ELAC2: variants seen among roughly 807,000 people sequenced by gnomAD.
The protein encoded by ELAC2 is elaC ribonuclease Z 2.
Under a neutral mutation model 105.2 loss-of-function variants are expected in ELAC2, and 92 were observed. The ratio of observed to expected loss-of-function variants is 0.87; its 90% confidence interval spans 0.74 to 1.04. The LOEUF (loss-of-function observed/expected upper bound fraction) is 1.04. Among genes scored for constraint, ELAC2 ranks in the 50% least tolerant of loss-of-function variants. ELAC2 has a pLI of 0.00. For synonymous variants in ELAC2, 468 were observed against 409.1 expected, an observed-to-expected ratio of 1.14 and a Z score of -1.74; for missense variants, 1,099 against 1,071.7, an observed-to-expected ratio of 1.03 and a Z score of -0.36.
chr17:13,013,221 T>C lies in ELAC2; in HGVS notation c.545A>G (p.Gln182Arg). Residue 182 changes from glutamine (Q) to arginine (R), a missense_variant, in exon 6 of 24, where the codon CAG (glutamine) becomes CGG (arginine). Gln to Arg is a conservative substitution (Grantham distance 43, BLOSUM62 1). Transcript: ENST00000338034. Reference sequence around the variant, plus strand: ...TTCATACTCACTGTGTATGGGGATCTGGTAAACTGTCATGGTTTCATCCTC... The same window carrying C: ...TTCATACTCACTGTGTATGGGGATCCGGTAAACTGTCATGGTTTCATCCTC... ...EYEDETMTVY[Q>R]IPIHSEQRRG... 1 of 1,614,226 alleles carries C rather than the reference T, an allele frequency of 6.2e-7. No homozygotes were observed. The highest frequency in any genetic ancestry group is 8.5e-7 in the Non-Finnish European group (1 of 1,180,040).
At chr17:13,017,449 G>A (rs1036682719) in intron 1 of ELAC2, 1 of 722,464 alleles carries the variant, frequency 1.4e-6, no homozygotes, top group East Asian at 2.7e-5. Context: ...CTCCGAAAGT[G>A]CTGACAGCCA....
At chr17:13,011,110 A>T (rs2041385957) in intron 7 of ELAC2, among the ~76,000 whole-genome samples, 1 of 152,324 alleles carries the variant, frequency 6.6e-6, no homozygotes, top group East Asian at 1.9e-4. Context: ...GTTCTCAGTC[A>T]CTAGACAAGA....
At chr17:12,996,500 C>T (rs1200718687) in intron 17 of ELAC2, 47 bp downstream of exon 17, 2 of 1,612,484 alleles carry the variant, frequency 1.2e-6, no homozygotes, top group Admixed American at 3.3e-5. Flanking sequence ...CTCAACGTGG[C>T]AGTGCCTCCT....
chr17:12,997,176 G>A (rs950983841), intron 16 of ELAC2, among the ~76,000 whole-genome samples: 49 of 152,166 alleles, frequency 3.2e-4, no homozygotes, highest in African/African-American at 1.1e-3. Context: ...GGCTGCAGGT[G>A]CTTCATTCAG....
Position 13,015,815 on chromosome 17 carries a change from T to C in ELAC2, c.385A>G (p.Lys129Glu), listed in dbSNP as rs776742204. The C allele has an allele frequency of 1.1e-5, 18 of 1,613,954 alleles. No individual in the cohort carries two copies. In the South Asian group the frequency reaches 2.0e-4, roughly 18 times the overall value. ...ACACACTTTGGAAGCCCGGTTTCCT[T>C]TAAAGTAAGAATCATTCCTAAAAAG... ...GGLSGMILTL[K>E]ETGLPKCVLS... The change falls in exon 4 of 24, where the codon AAG becomes GAG. Residue 129 changes from lysine to glutamate, a missense_variant. By Grantham distance (56) the Lys-to-Glu change is moderately conservative. Coordinates refer to ENST00000338034, the MANE Select transcript of ELAC2 (RefSeq NM_018127.7).
At chr17:13,005,632 G>T in intron 10 of ELAC2, 121 bp downstream of exon 10, 1 of 968,648 alleles carries the variant, frequency 1.0e-6, no homozygotes, top group Non-Finnish European at 1.7e-6. Flanking sequence ...TTAGCTGAGT[G>T]ATGTCCAAAC....
Position 13,005,990 on chromosome 17 carries a change from GA to G in ELAC2, c.739-12del. The G allele has an allele frequency of 6.2e-7, 1 of 1,613,908 alleles. No individual in the cohort carries two copies. Among genetic ancestry groups the G allele is most frequent in the Non-Finnish European group, 8.5e-7 (1 of 1,179,812 alleles). On this transcript the variant is annotated splice_polypyrimidine_tract_variant and intron_variant, in intron 8 of 23. Coordinates refer to ENST00000338034, the MANE Select transcript of ELAC2 (RefSeq NM_018127.7). ...TCTCTTTAAGTGAAGCTGCAACAAA[GA>G]GAACATAGATGTGATCTTAGGGGCT...
rs2040222341 is a variant in ELAC2, at chr17:12,992,294, G to C, written c.*524C>G. 1.2e-5 allele frequency: 3 copies of C among 241,656 alleles called. No homozygotes were observed. Among genetic ancestry groups the C allele is most frequent in the Non-Finnish European group, 2.4e-5 (3 of 122,482 alleles). The allele number at this position is 241,656 out of a possible 1,614,324, so 15.0% of individuals were successfully genotyped here. A position where few individuals can be genotyped will look rare whatever the true frequency, so the allele number is the denominator to read the frequency against. On this transcript the variant is annotated 3_prime_UTR_variant, in exon 24 of 24. Coordinates refer to ENST00000338034, the MANE Select transcript of ELAC2 (RefSeq NM_018127.7). Reference sequence around the variant, plus strand: ...TTCTTCCAAGCCACCCGGGTACCAGGCAGCTGCCACACTACAGCACAGAGA... The same window carrying C: ...TTCTTCCAAGCCACCCGGGTACCAGCCAGCTGCCACACTACAGCACAGAGA...
rs115572102 is a variant in ELAC2 at position 13,012,499 on chromosome 17, C to T, written c.559+708G>A. On this transcript the variant is annotated intron_variant, in intron 6 of 23. Transcript: ENST00000338034. ...CCTAGGAGCACTTGTGCCATTGCTC[C>T]GGCACATTCCTCTCCTCCCTGCTGC... is the stretch of plus-strand genomic sequence containing the variant. Among the ~76,000 whole-genome samples, 268 of 152,224 alleles carry T rather than the reference C, an allele frequency of 1.8e-3. 1 individual carries two copies. The highest frequency in any genetic ancestry group is 6.0e-3 in the African/African-American group (248 of 41,520).
chr17:13,010,794 A>G (rs2041373079), intron 7 of ELAC2, 123 bp from the exon 8 acceptor site: 8 of 876,238 alleles, frequency 9.1e-6, no homozygotes, highest in Admixed American at 2.0e-5. Context: ...TACTGTCCCA[A>G]TACAAAGGCT....
intron 18 of ELAC2, 54 bp downstream of exon 18, chr17:12,995,886 C>T (rs951847484): frequency 1.9e-5 from 30 of 1,584,262 alleles, no homozygotes; most frequent in Middle Eastern, 1.7e-4. Flanking sequence ...AGAGGCATGG[C>T]GGATGATGTG....
chr17:13,010,817 A>G, intron 7 of ELAC2, 146 bp from the exon 8 acceptor site: 1 of 750,244 alleles, frequency 1.3e-6, no homozygotes, highest in South Asian at 1.5e-5. Context: ...AGACACTAAT[A>G]TACTCAAGAA....
At chr17:13,015,476 AT>A (rs1330066485) in intron 4 of ELAC2, among the ~76,000 whole-genome samples, 1 of 152,250 alleles carries the variant, frequency 6.6e-6, no homozygotes, top group African/African-American at 2.4e-5. Context: ...CATATATCTA[AT>A]AAAGTGATTT....
chr17:12,995,621 C>T, intron 19 of ELAC2, 82 bp downstream of exon 19: 1 of 1,351,248 alleles, frequency 7.4e-7, no homozygotes, highest in Non-Finnish European at 1.0e-6. Context: ...ATATTGGTAA[C>T]TACCCCAGTG....
At chr17:13,009,878 A>T (rs1216854997) in intron 8 of ELAC2, among the ~76,000 whole-genome samples, 1 of 151,836 alleles carries the variant, frequency 6.6e-6, no homozygotes, top group Non-Finnish European at 1.5e-5. Context: ...AATCCTAGCT[A>T]CTTGGGAGGC....
chr17:12,996,086 AC>A, intron 17 of ELAC2, 108 bp from the exon 18 acceptor site: 1 of 1,237,816 alleles, frequency 8.1e-7, no homozygotes, highest in Non-Finnish European at 1.1e-6. Flanking sequence ...GACGTCACCC[AC>A]CAGCCTCTAA....
At position 13,011,724 on chromosome 17, in the gene ELAC2, CCTG is replaced by C; in HGVS notation, c.615_617del (p.Ser205del). The C allele has an allele frequency of 6.2e-7, 1 of 1,614,154 alleles. No individual in the cohort carries two copies. The highest frequency in any genetic ancestry group is 8.5e-7 in the Non-Finnish European group (1 of 1,180,022). Reference sequence around the variant, plus strand: ...AGTCTGAAGATCGCTCTGGACTGAGCCTGCTGAGAGGCCTTTCTGGACTCTGCC... The same window carrying C: ...AGTCTGAAGATCGCTCTGGACTGAGCCTGAGAGGCCTTTCTGGACTCTGCC... On this transcript the variant is annotated inframe_deletion, in exon 7 of 24. Transcript: ENST00000338034.
In ELAC2 at chr17:12,994,787, G is replaced by T. The variant is rs752239590; in HGVS notation, c.2006C>A (p.Pro669His). 1.9e-6 allele frequency: 3 copies of T among 1,613,870 alleles called. No homozygotes were observed. Residue 669 changes from proline to histidine, a missense_variant, in exon 21 of 24, where the codon CCC becomes CAC. By Grantham distance (77) the Pro-to-His change is moderately conservative. Transcript: ENST00000338034. Reference protein sequence around the residue: ...WKVVYSGDTMPCEALVRMGKD... With the variant: ...WKVVYSGDTMHCEALVRMGKD... Reference sequence around the variant, plus strand: ...ACCCATCCGGACCAGAGCCTCGCAGGGCATGGTGTCCCCGGAATAGACCAC... The same window carrying T: ...ACCCATCCGGACCAGAGCCTCGCAGTGCATGGTGTCCCCGGAATAGACCAC...
chr17:13,006,835 C>G (rs2041136690), intron 8 of ELAC2, among the ~76,000 whole-genome samples: 1 of 152,074 alleles, frequency 6.6e-6, no homozygotes, highest in Non-Finnish European at 1.5e-5. Flanking sequence ...TAAAAAATCT[C>G]TAATAGCCAG....
Sources: gnomAD v4.1 joint callset for allele counts (sites outside exome capture counted in the v4.1 genomes callset) on GRCh38, gnomAD v4.1.1 for gene constraint, MANE v1.5 for transcripts, NCBI Gene and HGNC (gene_info 2026-07-23, HGNC 2026-07-21) for gene names.